LARGE1: variants seen among roughly 807,000 people sequenced by gnomAD.
The protein encoded by LARGE1 is xylosyl- and glucuronyltransferase LARGE1.
A neutral mutation model predicts 87.6 loss-of-function variants in LARGE1; 43 were observed. The ratio of observed to expected loss-of-function variants is 0.49; its 90% CI spans 0.38 to 0.63. LARGE1 has a LOEUF of 0.63. Ranked by LOEUF, LARGE1 falls within the 30% of genes least tolerant of loss-of-function variation. The pLI is 0.00. For synonymous variants in LARGE1, 434 were observed against 394.6 expected, an observed-to-expected ratio of 1.10 and a Z score of -1.18; for missense variants, 802 against 1,000.2, an observed-to-expected ratio of 0.80 and a Z score of 2.67.
chr22:33,737,443 T>C (rs2083695705), intron 2 of LARGE1: 1 of 152,212 alleles, frequency 6.6e-6, no homozygotes, highest in Admixed American at 6.5e-5. Flanking sequence ...CATTTAGTCA[T>C]AACAAGCGTT....
chr22:33,858,914 C>T (rs1309166974), intron 1 of LARGE1, among the ~76,000 whole-genome samples: 1 of 151,878 alleles, frequency 6.6e-6, no homozygotes, highest in Non-Finnish European at 1.5e-5. Context: ...AGCTGGAAAC[C>T]ATCATTCTCA....
chr22:33,068,927 A>G, the LARGE1 span, among the ~76,000 whole-genome samples: 1 of 152,166 alleles, frequency 6.6e-6, no homozygotes, highest in Non-Finnish European at 1.5e-5. Flanking sequence ...TGCTGGGATC[A>G]GCATCAGAGC....
chr22:33,198,311 A>C (rs1924182443), intron 11 of LARGE1, among the ~76,000 whole-genome samples: 1 of 137,750 alleles, frequency 7.3e-6, no homozygotes, highest in African/African-American at 2.8e-5. Flanking sequence ...GACATCTGCA[A>C]GCTATGACAT....
Position 33,589,139 on chromosome 22 carries a change from C to G in LARGE1, c.615+15296G>C, listed in dbSNP as rs1251033427. On this transcript the variant is annotated intron_variant, in intron 5 of 14. Coordinates refer to ENST00000397394, the MANE Select transcript of LARGE1 (RefSeq NM_133642.5). ...AACTGTAGTAAGTGAGGAGGAAAGG[C>G]TAGGGCCCACGGCTAGGCTGCAGGG... 8.5e-5 allele frequency among the ~76,000 whole-genome samples: 13 copies of G among 152,160 alleles called. 1 individual carries two copies. The highest frequency in any genetic ancestry group is 1.5e-4 in the Non-Finnish European group (10 of 68,014).
chr22:33,695,571 C>T (rs866194632), intron 2 of LARGE1, among the ~76,000 whole-genome samples: 1 of 152,268 alleles, frequency 6.6e-6, no homozygotes. Flanking sequence ...GACCCTCTTA[C>T]CATATTTGCT....
chr22:33,876,972 C>T (rs1039906146), intron 1 of LARGE1, among the ~76,000 whole-genome samples: 2 of 151,936 alleles, frequency 1.3e-5, no homozygotes, highest in Non-Finnish European at 1.5e-5. Flanking sequence ...CACATAAGCC[C>T]CCTTCACCCA....
At chr22:33,673,661 A>T (rs748533602) in intron 2 of LARGE1, among the ~76,000 whole-genome samples, 3 of 152,142 alleles carry the variant, frequency 2.0e-5, no homozygotes, top group Non-Finnish European at 4.4e-5. Flanking sequence ...TGTAAAACAC[A>T]AACTCCAGAC....
At chr22:33,542,202 A>T (rs1030249386) in intron 6 of LARGE1, among the ~76,000 whole-genome samples, 1 of 150,068 alleles carries the variant, frequency 6.7e-6, no homozygotes, top group African/African-American at 2.4e-5. Flanking sequence ...GCCCACTTCC[A>T]TTGTAACTGC....
At position 33,814,930 on chromosome 22, in the gene LARGE1, T is replaced by C. The variant is rs77152715; in HGVS notation, c.-82-53372A>G. 9.2e-3 allele frequency among the ~76,000 whole-genome samples: 1,405 copies of C among 152,344 alleles called. 14 individuals are homozygous for C. The highest frequency in any genetic ancestry group is 0.012 in the Non-Finnish European group (791 of 68,038). On this transcript the variant is annotated intron_variant, in intron 1 of 14. Coordinates refer to ENST00000397394, the MANE Select transcript of LARGE1 (RefSeq NM_133642.5). ...GCTCCCTGCCTGCAGCGAAACAACA[T>C]GTGCAAGGAACACACAGACATTAAA...
the LARGE1 span, among the ~76,000 whole-genome samples, chr22:33,142,421 G>A: frequency 6.6e-6 from 1 of 152,092 alleles, no homozygotes; most frequent in Non-Finnish European, 1.5e-5. Context: ...GACTAGCTGT[G>A]ACATTGGCCT....
At chr22:33,655,932 G>C (rs1373666198) in intron 2 of LARGE1, among the ~76,000 whole-genome samples, 1 of 152,150 alleles carries the variant, frequency 6.6e-6, no homozygotes, top group Non-Finnish European at 1.5e-5. Context: ...ATGGGATTTG[G>C]AGTAAGAAAG....
In LARGE1 at chr22:33,220,496, T is replaced by C. The variant is rs866434245; in HGVS notation, c.1731-53664A>G. 3.9e-5 allele frequency among the ~76,000 whole-genome samples: 6 copies of C among 152,138 alleles called. No individual in the cohort carries two copies. The South Asian group carries it at 1.2e-3, about 32-fold the overall frequency. ...TATAGAGACAGATAAAAGAACAGGG[T>C]GGAGTGAAAGGGGAAAAAAATAGAT... On this transcript the variant is annotated intron_variant, in intron 11 of 11. Coordinates refer to the LARGE1 transcript ENST00000608642.
At chr22:33,237,776 C>A (rs981936782) in intron 11 of LARGE1, among the ~76,000 whole-genome samples, 1 of 152,138 alleles carries the variant, frequency 6.6e-6, no homozygotes, top group Admixed American at 6.6e-5. Context: ...AAAGAGATAT[C>A]CAGAGGTGCC....
rs186572628 is a variant in LARGE1, at chr22:33,212,739, C to T, written c.1731-45907G>A. Among the ~76,000 whole-genome samples the T allele has an allele frequency of 1.4e-4, 21 of 152,156 alleles. 1 individual carries two copies. In the East Asian group the frequency reaches 2.5e-3, roughly 18 times the overall value. ...GATACTATTAAGAATATTTGTGGGC[C>T]GGGTGCGGTAGCTCATGCCTGTAAT... On this transcript the variant is annotated intron_variant, in intron 11 of 11. Coordinates refer to the LARGE1 transcript ENST00000608642.
chr22:33,910,299 C>T (rs776572524), intron 1 of LARGE1, among the ~76,000 whole-genome samples: 6 of 152,050 alleles, frequency 3.9e-5, no homozygotes, highest in Middle Eastern at 3.2e-3. Flanking sequence ...ATGGGTGTAA[C>T]GTACTCACAG....
At chr22:33,513,227 A>G (rs555513897) in intron 6 of LARGE1, among the ~76,000 whole-genome samples, 1 of 152,340 alleles carries the variant, frequency 6.6e-6, no homozygotes, top group African/African-American at 2.4e-5. Flanking sequence ...AAAGATTTGT[A>G]ACAATGCAGC....
chr22:33,247,945 A>T (rs2145706635), intron 11 of LARGE1, among the ~76,000 whole-genome samples: 1 of 152,310 alleles, frequency 6.6e-6, no homozygotes, highest in East Asian at 1.9e-4. Context: ...CCAACCCTGG[A>T]CCAGGGAATT....
At chr22:33,631,157 G>A (rs111424683) in intron 3 of LARGE1, among the ~76,000 whole-genome samples, 6 of 45,902 alleles carry the variant, frequency 1.3e-4, no homozygotes, top group Non-Finnish European at 3.1e-4. Context: ...CCAGCCAACT[G>A]TCTATTTTTT....
At chr22:33,491,218 T>C (rs968883025) in intron 6 of LARGE1, among the ~76,000 whole-genome samples, 5 of 152,170 alleles carry the variant, frequency 3.3e-5, no homozygotes, top group African/African-American at 1.2e-4. Flanking sequence ...CCTCCAAATT[T>C]AGGGACATTT....
Sources: allele counts gnomAD v4.1 joint callset (sites outside exome capture counted in the v4.1 genomes callset), GRCh38; gene constraint gnomAD v4.1.1; transcripts MANE v1.5; gene names NCBI Gene and HGNC (gene_info 2026-07-23, HGNC 2026-07-21).